KLHL3: variants seen among roughly 807,000 people sequenced by gnomAD.
The protein encoded by KLHL3 is kelch like family member 3.
KLHL3 carries 19 observed loss-of-function variants against 70.5 expected under a neutral mutation model. That is an observed-to-expected ratio of 0.27 (90% CI 0.19 to 0.40). KLHL3 has a LOEUF of 0.40. KLHL3 is among the 10% of genes least tolerant of loss of function. The pLI is 1.00. For missense variants in KLHL3, 512 were observed against 771.1 expected (o/e 0.66, Z 3.98); for synonymous variants, 258 against 290.3 (o/e 0.89, Z 1.13).
At chr5:137,659,319 T>C (rs1256049397) in intron 7 of KLHL3, among the ~76,000 whole-genome samples, 2 of 152,154 alleles carry the variant, frequency 1.3e-5, no homozygotes, top group Non-Finnish European at 1.5e-5. Context: ...AAGTCAGTGA[T>C]GCACAAGGCA....
At chr5:137,712,578 G>T (rs573437564) in intron 2 of KLHL3, among the ~76,000 whole-genome samples, 1 of 152,298 alleles carries the variant, frequency 6.6e-6, no homozygotes, top group African/African-American at 2.4e-5. Flanking sequence ...GGAAGTAGTA[G>T]CTCTAAAGCA....
intron 8 of KLHL3, among the ~76,000 whole-genome samples, chr5:137,651,825 G>A (rs1053533872): frequency 1.3e-5 from 2 of 152,172 alleles, no homozygotes; most frequent in African/African-American, 4.8e-5. Context: ...GCTAGTAATC[G>A]AGGCAACATA....
intron 6 of KLHL3, among the ~76,000 whole-genome samples, chr5:137,663,861 G>A (rs958160437): frequency 3.9e-5 from 6 of 152,188 alleles, no homozygotes; most frequent in Admixed American, 6.5e-5. Flanking sequence ...AAATATCAGT[G>A]AGAATAATGA....
At chr5:137,722,720 C>T (rs1004444507) in intron 1 of KLHL3, among the ~76,000 whole-genome samples, 1 of 152,110 alleles carries the variant, frequency 6.6e-6, no homozygotes, top group African/African-American at 2.4e-5. Context: ...ACTCTGTCAT[C>T]CAGGCTGGAG....
chr5:137,681,031 A>T (rs1383820219), intron 5 of KLHL3, among the ~76,000 whole-genome samples: 2 of 152,174 alleles, frequency 1.3e-5, no homozygotes, highest in African/African-American at 4.8e-5. Context: ...ATGTTAAGAC[A>T]TCCTTTGGGA....
intron 6 of KLHL3, among the ~76,000 whole-genome samples, chr5:137,672,185 C>G (rs1410307468): frequency 1.3e-5 from 2 of 152,234 alleles, no homozygotes; most frequent in Non-Finnish European, 2.9e-5. Context: ...GGGCTGCCAA[C>G]AGCTCGGCCT....
chr5:137,622,439 C>A (rs537744245), intron 14 of KLHL3, among the ~76,000 whole-genome samples: 2 of 152,382 alleles, frequency 1.3e-5, no homozygotes, highest in African/African-American at 4.8e-5. Context: ...CCCAACAATG[C>A]TCAGCGCCCA....
chr5:137,638,178 C>A (rs1750816909), intron 10 of KLHL3, among the ~76,000 whole-genome samples: 1 of 152,168 alleles, frequency 6.6e-6, no homozygotes. Flanking sequence ...CTCTTTGTTC[C>A]ACTCACTAAA....
intron 1 of KLHL3, among the ~76,000 whole-genome samples, chr5:137,727,899 T>A (rs1375369863): frequency 6.6e-6 from 1 of 152,186 alleles, no homozygotes; most frequent in Non-Finnish European, 1.5e-5. Context: ...CATTTGCCAA[T>A]TTCCAGACTG....
intron 6 of KLHL3, among the ~76,000 whole-genome samples, chr5:137,667,940 A>G (rs994024684): frequency 6.6e-6 from 1 of 152,202 alleles, no homozygotes; most frequent in African/African-American, 2.4e-5. Context: ...ATCTCTGTGA[A>G]GTAGGTGTCA....
intron 2 of KLHL3, among the ~76,000 whole-genome samples, chr5:137,717,220 G>A (rs972561965): frequency 6.6e-6 from 1 of 152,124 alleles, no homozygotes; most frequent in East Asian, 1.9e-4. Context: ...AATGGAGGTG[G>A]GCCAGCACCC....
intron 4 of KLHL3, among the ~76,000 whole-genome samples, chr5:137,696,339 G>T (rs1165444749): frequency 6.6e-6 from 1 of 152,184 alleles, no homozygotes; most frequent in African/African-American, 2.4e-5. Context: ...AAGAGGTGGG[G>T]GGGTATATAG....
chr5:137,724,212 C>T (rs1753050574), intron 1 of KLHL3, among the ~76,000 whole-genome samples: 1 of 152,130 alleles, frequency 6.6e-6, no homozygotes, highest in Admixed American at 6.5e-5. Flanking sequence ...AATGAGAAAG[C>T]ATAATTTGGT....
chr5:137,671,119 T>G (rs941673898), intron 6 of KLHL3, among the ~76,000 whole-genome samples: 5 of 152,072 alleles, frequency 3.3e-5, no homozygotes, highest in African/African-American at 1.2e-4. Context: ...CCTACCCCAC[T>G]CCCAGCCTCA....
intron 5 of KLHL3, among the ~76,000 whole-genome samples, chr5:137,678,764 G>A (rs566514897): frequency 4.6e-5 from 7 of 151,706 alleles, no homozygotes; most frequent in South Asian, 4.2e-4. Context: ...TTCCCTAAAC[G>A]TTAACAGTTT....
intron 5 of KLHL3, among the ~76,000 whole-genome samples, chr5:137,682,936 C>T (rs536593095): frequency 7.9e-5 from 12 of 152,148 alleles, no homozygotes; most frequent in African/African-American, 2.9e-4. Context: ...TTCATCTAAC[C>T]TACAAGCTCA....
At chr5:137,680,700 G>T (rs1447029526) in intron 5 of KLHL3, among the ~76,000 whole-genome samples, 1 of 151,884 alleles carries the variant, frequency 6.6e-6, no homozygotes, top group Non-Finnish European at 1.5e-5. Context: ...CCACTACCAC[G>T]CCCAGCTTAT....
intron 1 of KLHL3, among the ~76,000 whole-genome samples, chr5:137,721,506 A>G (rs1355102754): frequency 1.3e-5 from 2 of 152,262 alleles, no homozygotes; most frequent in Admixed American, 1.3e-4. Flanking sequence ...CAGTCGAACA[A>G]CAGCGAAAGC....
intron 2 of KLHL3, among the ~76,000 whole-genome samples, chr5:137,710,221 C>A (rs1752766581): frequency 6.6e-6 from 1 of 152,120 alleles, no homozygotes; most frequent in South Asian, 2.1e-4. Flanking sequence ...ATTCGAGTGA[C>A]TGAATGAATG....
Sources: allele counts gnomAD v4.1 joint callset (sites outside exome capture counted in the v4.1 genomes callset), GRCh38; gene constraint gnomAD v4.1.1; transcripts MANE v1.5; gene names NCBI Gene and HGNC (gene_info 2026-07-23, HGNC 2026-07-21).